The following RASGRF1 variants were observed in gnomAD, a reference collection of about 807,000 sequenced individuals.
RASGRF1 encodes Ras protein specific guanine nucleotide releasing factor 1, also known as ras-specific guanine nucleotide-releasing factor 1.
RASGRF1 carries 40 observed loss-of-function variants against 138.7 expected under a neutral mutation model. That is an observed-to-expected ratio of 0.29 (90% CI 0.22 to 0.38). The LOEUF is 0.38. RASGRF1 is among the 10% of genes least tolerant of loss of function. The pLI is 1.00. For missense variants in RASGRF1, 1,108 were observed against 1,650.4 expected, an observed-to-expected ratio of 0.67 and a Z score of 5.69; for synonymous variants, 614 against 663.2, an observed-to-expected ratio of 0.93 and a Z score of 1.14.
chr15:79,046,895 C>G lies in RASGRF1; in HGVS notation c.729G>C (p.Gln243His), dbSNP rs766348540. 3.1e-6 allele frequency: 5 copies of G among 1,614,102 alleles called. No individual in the cohort carries two copies. The highest frequency in any genetic ancestry group is 3.3e-5 in the Admixed American group (2 of 60,014). ...CAGCCTCCAGCATGCTGAACACCAC[C>G]TGGTTCCTCTTGCGCATGCTGTCAG... Reference protein sequence around the residue: ...PHADSMRKRNQVVFSMLEAEA... With the variant: ...PHADSMRKRNHVVFSMLEAEA... The change falls in exon 5 of 27, where the codon CAG (glutamine) becomes CAC (histidine). Residue 243 changes from glutamine (Q) to histidine (H), a missense_variant. By Grantham distance (24) the Gln-to-His change is conservative. Transcript: ENST00000558480. The surrounding 1 kb of genome is among the most constrained non-coding windows in gnomAD (Gnocchi z 5.3).
At chr15:79,029,847 C>G (rs2057112626) in intron 8 of RASGRF1, among the ~76,000 whole-genome samples, 1 of 152,134 alleles carries the variant, frequency 6.6e-6, no homozygotes, top group Admixed American at 6.5e-5. Flanking sequence ...CACCTAGGAT[C>G]CCGGGGATAA....
chr15:79,016,426 AAAG>A (rs2056879878), intron 12 of RASGRF1, among the ~76,000 whole-genome samples: 3 of 152,240 alleles, frequency 2.0e-5, no homozygotes, highest in Non-Finnish European at 4.4e-5. Context: ...ACTCCAAAAC[AAAG>A]AAGACTTGGC....
In RASGRF1 at chr15:78,973,017, C is replaced by T. The variant is rs139869879; in HGVS notation, c.3612+286G>A. On this transcript the variant is annotated intron_variant, in intron 25 of 26. Coordinates refer to ENST00000558480, the MANE Select transcript of RASGRF1 (RefSeq NM_001145648.3). This position sits in a 1 kb window ranked among gnomAD's most constrained non-coding sequence, Gnocchi z 4.9. ...GGCTGCTCACTTGACCTCACTCAGC[C>T]TCAGTCTGCTCATCTGAAAGGTGCA... Among the ~76,000 whole-genome samples, 42 of 152,266 alleles carry T rather than the reference C, an allele frequency of 2.8e-4. No individual in the cohort carries two copies. Among genetic ancestry groups the T allele is most frequent in the African/African-American group, 1.0e-3 (42 of 41,542 alleles).
At chr15:79,019,727 G>T (rs879686898) in intron 11 of RASGRF1, among the ~76,000 whole-genome samples, 1 of 152,232 alleles carries the variant, frequency 6.6e-6, no homozygotes, top group Non-Finnish European at 1.5e-5. Context: ...AGTGCCAACT[G>T]GTCCAGCAGC....
intron 12 of RASGRF1, among the ~76,000 whole-genome samples, chr15:79,017,007 T>A (rs28621627): frequency 6.6e-6 from 1 of 152,052 alleles, no homozygotes; most frequent in Non-Finnish European, 1.5e-5. Context: ...GCTGCTGGGA[T>A]GGCACATCCC....
rs147736105 is a variant in RASGRF1 at position 78,987,769 on chromosome 15, T to C, written c.3216+2420A>G. On this transcript the variant is annotated intron_variant, in intron 22 of 26. Transcript: ENST00000558480. The stretch of plus-strand genomic sequence containing the variant: ...CCAAGAAGGAGACACATGATCACCA[T>C]GTCCATTCCATGCTGTTGTGGAGAG... Among the ~76,000 whole-genome samples, 10 of 152,222 alleles carry C rather than the reference T, an allele frequency of 6.6e-5. No individual in the cohort carries two copies. In the East Asian group the frequency reaches 1.9e-3, roughly 29 times the overall value.
At chr15:79,089,258 C>T (rs1271231528) in intron 1 of RASGRF1, among the ~76,000 whole-genome samples, 11 of 152,244 alleles carry the variant, frequency 7.2e-5, no homozygotes, top group African/African-American at 2.4e-4. Context: ...CCTGCAGTGG[C>T]ATTTTAGGAT....
rs774077272 is a variant in RASGRF1 at position 79,031,429 on chromosome 15, G to A, written c.1233C>T (p.Tyr411=). The change falls in exon 8 of 27, where the codon TAC becomes TAT. Residue 411 remains tyrosine (Y), a synonymous_variant. Coordinates refer to ENST00000558480, the MANE Select transcript of RASGRF1 (RefSeq NM_001145648.3). ...ACAGCTCCTCCAGTTTGGACTTGGC[G>A]TAGTCCAGGCTGTTGCGCTCAACGT... ...HEHVERNSLD[Y]AKSKLEELSR... 42 of 1,612,096 alleles carry A rather than the reference G, an allele frequency of 2.6e-5. No homozygotes were observed. Among genetic ancestry groups the A allele is most frequent in the Middle Eastern group, 1.6e-4 (1 of 6,078 alleles).
At chr15:79,040,208 C>A (rs753353803) in intron 5 of RASGRF1, among the ~76,000 whole-genome samples, 1 of 152,068 alleles carries the variant, frequency 6.6e-6, no homozygotes. Flanking sequence ...GCCTCTCAGA[C>A]GGAACCTGGG....
intron 24 of RASGRF1, among the ~76,000 whole-genome samples, chr15:78,978,215 CTTTTGT>C (rs1184912865): frequency 1.1e-4 from 9 of 79,344 alleles, no homozygotes; most frequent in Admixed American, 3.3e-4. Context: ...TTTTTCTTTT[CTTTTGT>C]TTTTTTTTTT....
intron 26 of RASGRF1, among the ~76,000 whole-genome samples, chr15:78,966,203 C>T (rs564595440): frequency 6.6e-6 from 1 of 151,654 alleles, no homozygotes; most frequent in African/African-American, 2.4e-5. Context: ...CAAAGTTTCC[C>T]TACCAGACCA....
intron 1 of RASGRF1, chr15:79,064,752 G>T (rs2057654394): frequency 3.9e-6 from 2 of 515,404 alleles, no homozygotes; most frequent in Admixed American, 7.1e-5. Flanking sequence ...ATTGTAAGAA[G>T]GAAACAAAAC....
chr15:78,966,299 C>T (rs58681792), intron 26 of RASGRF1, among the ~76,000 whole-genome samples: 4,430 of 147,042 alleles, frequency 0.03, 246 homozygotes, highest in African/African-American at 0.11. Flanking sequence ...TGCAGTGGCA[C>T]GATCATGGCT....
chr15:79,080,789 T>A (rs2057904405), intron 1 of RASGRF1, among the ~76,000 whole-genome samples: 1 of 152,322 alleles, frequency 6.6e-6, no homozygotes. Context: ...CTTTAGAGTA[T>A]AAATGACCTC....
intron 22 of RASGRF1, 100 bp downstream of exon 22, chr15:78,990,089 T>C: frequency 1.0e-6 from 1 of 993,122 alleles, no homozygotes; most frequent in African/African-American, 1.6e-5. Flanking sequence ...GACCCAGGAG[T>C]CTGGTTCCAG....
At chr15:78,963,115 C>T (rs2055579760) in intron 26 of RASGRF1, among the ~76,000 whole-genome samples, 1 of 152,072 alleles carries the variant, frequency 6.6e-6, no homozygotes, top group African/African-American at 2.4e-5. Flanking sequence ...CTCCCCACCC[C>T]ACTCCTGCTC....
intron 24 of RASGRF1, chr15:78,978,542 T>G: frequency 1.0e-6 from 1 of 986,456 alleles, no homozygotes; most frequent in Non-Finnish European, 1.2e-6. Flanking sequence ...GATATCTTAA[T>G]GAAAAGCTAA....
chr15:78,986,921 A>T (rs1024714313), intron 22 of RASGRF1, among the ~76,000 whole-genome samples: 4 of 152,210 alleles, frequency 2.6e-5, no homozygotes, highest in African/African-American at 7.2e-5. Context: ...AGTAGTTAAA[A>T]TTTTTTTCCA....
chr15:78,982,059 C>T (rs1461617356), intron 23 of RASGRF1, among the ~76,000 whole-genome samples: 1 of 152,200 alleles, frequency 6.6e-6, no homozygotes, highest in African/African-American at 2.4e-5. Flanking sequence ...CAGCCTCTGT[C>T]ACCTATCCCT....
Sources: allele counts gnomAD v4.1 joint callset (sites outside exome capture counted in the v4.1 genomes callset), GRCh38; gene constraint gnomAD v4.1.1; non-coding constraint Gnocchi (gnomAD v3.1); transcripts MANE v1.5; gene names NCBI Gene and HGNC (gene_info 2026-07-23, HGNC 2026-07-21).